Variants in TMEM223 observed in about 807,000 individuals in gnomAD.
TMEM223 encodes the protein transmembrane protein 223.
Under a neutral mutation model 14.1 loss-of-function variants are expected in TMEM223, and 14 were observed. The observed-to-expected ratio is 0.99, with a 90% confidence interval of 0.66 to 1.55. TMEM223 has a LOEUF of 1.55. TMEM223 is among the 40% of genes most tolerant of loss of function. The probability of loss-of-function intolerance (pLI) is 0.00; values close to 1 mark genes in which losing one functional copy is unlikely to be tolerated. For missense variants in TMEM223, 346 were observed against 269.9 expected, an observed-to-expected ratio of 1.28 and a Z score of -1.97; for synonymous variants, 145 against 120.5, an observed-to-expected ratio of 1.20 and a Z score of -1.33.
At chr11:62,789,197 G>C, downstream of TMEM223, 1 of 1,614,148 alleles carries the variant, frequency 6.2e-7, no homozygotes, top group South Asian at 1.1e-5. Flanking sequence ...CAGCTGCATC[G>C]AGGACTCCCA....
intron 1 of TMEM223, among the ~76,000 whole-genome samples, chr11:62,791,127 C>T (rs1233752059): frequency 1.3e-5 from 2 of 152,042 alleles, no homozygotes; most frequent in African/African-American, 2.4e-5. Context: ...CTCCCAACAA[C>T]CTTAATAGAT....
intron 1 of TMEM223, among the ~76,000 whole-genome samples, chr11:62,779,977 T>TATA (rs1491411798): frequency 2.2e-4 from 9 of 40,128 alleles, no homozygotes; most frequent in South Asian, 2.0e-3. Flanking sequence ...TATATATATA[T>TATA]TTTTTTTTTT....
intron 2 of TMEM223, among the ~76,000 whole-genome samples, chr11:62,773,660 C>A (rs1156817969): frequency 1.3e-5 from 2 of 152,050 alleles, no homozygotes; most frequent in Non-Finnish European, 2.9e-5. Context: ...GTTGGTCAGG[C>A]TGGTCTTGAA....
At chr11:62,778,451 T>C (rs1260403000) in intron 1 of TMEM223, 14 of 1,294,700 alleles carry the variant, frequency 1.1e-5, no homozygotes, top group African/African-American at 1.5e-5. Flanking sequence ...ATGCCTGCCT[T>C]GTGCCATGGT....
At chr11:62,779,207 GT>G (rs1327993752) in intron 1 of TMEM223, among the ~76,000 whole-genome samples, 1 of 151,532 alleles carries the variant, frequency 6.6e-6, no homozygotes, top group Admixed American at 6.6e-5. Flanking sequence ...GTTTTGTTTT[GT>G]TTTTGAAACG....
At chr11:62,775,781 G>T in intron 1 of TMEM223, 1 of 1,605,972 alleles carries the variant, frequency 6.2e-7, no homozygotes. Flanking sequence ...CTCCACTGGG[G>T]CCATGTCAGA....
At chr11:62,787,170 C>T (rs769605826), downstream of TMEM223, 13 of 1,583,482 alleles carry the variant, frequency 8.2e-6, no homozygotes, top group Non-Finnish European at 1.1e-5. Flanking sequence ...TCCAGACTGC[C>T]TTCCCCGCGC....
intron 1 of TMEM223, 86 bp downstream of exon 1, chr11:62,791,593 G>T: frequency 7.2e-7 from 1 of 1,388,778 alleles, no homozygotes; most frequent in Non-Finnish European, 9.5e-7. Context: ...CTCGGATAGG[G>T]AGTCCCTGAC....
At position 62,790,112 on chromosome 11, in the gene TMEM223, C is replaced by G; in HGVS notation, c.*511G>C. On this transcript the variant is annotated 3_prime_UTR_variant, in exon 2 of 2. Transcript: ENST00000307366. ...CCCAAGTGCCTGTAATCCCCCCCCTCAAGGCCCTGTTTATGTTGGGAGTCT... is the reference window on the plus strand; with the variant it reads ...CCCAAGTGCCTGTAATCCCCCCCCTGAAGGCCCTGTTTATGTTGGGAGTCT... 1 of 1,477,542 alleles carries G rather than the reference C, an allele frequency of 6.8e-7. No individual in the cohort carries two copies. Among genetic ancestry groups the G allele is most frequent in the Non-Finnish European group, 9.0e-7 (1 of 1,110,740 alleles). The allele number at this position is 1,477,542 out of a possible 1,614,324, so 91.5% of individuals were successfully genotyped here.
chr11:62,790,293 T>TGAA lies in TMEM223; in HGVS notation c.*327_*329dup, dbSNP rs1399701259. 5 of 549,848 alleles carry TGAA rather than the reference T, an allele frequency of 9.1e-6. No individual in the cohort carries two copies. The highest frequency in any genetic ancestry group is 1.6e-5 in the Non-Finnish European group (5 of 319,668). The allele number at this position is 549,848 out of a possible 1,614,324, so 34.1% of individuals were successfully genotyped here. A position where few individuals can be genotyped will look rare whatever the true frequency, so the allele number is the denominator to read the frequency against. ...AGTACAACTAGATAGGAGGAAGGAG[T>TGAA]GAAGGCTAAGCAGACATGGACTGAA... On this transcript the variant is annotated 3_prime_UTR_variant, in exon 2 of 2. Coordinates refer to ENST00000307366, the MANE Select transcript of TMEM223 (RefSeq NM_001080501.3).
chr11:62,775,558 A>G, intron 1 of TMEM223: 1 of 526,932 alleles, frequency 1.9e-6, no homozygotes, highest in East Asian at 3.2e-5. Context: ...GTGAACCCCA[A>G]CACTTTGGAC....
intron 1 of TMEM223, among the ~76,000 whole-genome samples, chr11:62,775,436 G>T (rs933138487): frequency 6.6e-6 from 1 of 152,200 alleles, no homozygotes; most frequent in East Asian, 1.9e-4. Context: ...GAGCTAGAGA[G>T]GGCAGGAATT....
downstream of TMEM223, chr11:62,787,470 CTT>C: frequency 1.3e-6 from 2 of 1,577,102 alleles, no homozygotes; most frequent in Non-Finnish European, 8.6e-7. Context: ...AGCTTGCGCT[CTT>C]TGCTGCCGCC....
At chr11:62,791,295 T>A (rs1590945756) in intron 1 of TMEM223, among the ~76,000 whole-genome samples, 1 of 152,002 alleles carries the variant, frequency 6.6e-6, no homozygotes, top group Middle Eastern at 3.4e-3. Flanking sequence ...TCTCGCTCGG[T>A]CGCTTAGGCT....
In TMEM223 at chr11:62,779,098, G is replaced by C. The variant is rs573140961; in HGVS notation, c.315-4433C>G. The C allele has an allele frequency of 4.4e-5, 29 of 665,276 alleles. No homozygotes were observed. In the African/African-American group the frequency reaches 4.5e-4, roughly 10 times the overall value. 41.2% of individuals were successfully genotyped at this position (665,276 alleles called of 1,614,324 possible). On this transcript the variant is annotated intron_variant, in intron 1 of 2. Coordinates refer to the TMEM223 transcript ENST00000528367. ...TGCAATGGCATGATCTCAGCTCACC[G>C]CACCCTCTGCCTCCCAGGTTCAAGT... is the stretch of plus-strand genomic sequence containing the variant.
chr11:62,789,092 C>T (rs768806057), downstream of TMEM223: 10 of 1,614,076 alleles, frequency 6.2e-6, no homozygotes, highest in African/African-American at 5.3e-5. Context: ...GGCCTTATCC[C>T]GTCCCTCAGC....
At chr11:62,780,068 C>T (rs1288804713) in intron 1 of TMEM223, among the ~76,000 whole-genome samples, 2 of 148,738 alleles carry the variant, frequency 1.3e-5, no homozygotes, top group East Asian at 2.0e-4. Context: ...CTTGGCCTCC[C>T]AGCACTTTGG....
chr11:62,774,891 C>CAAAAA, intron 1 of TMEM223, among the ~76,000 whole-genome samples: 1 of 84,626 alleles, frequency 1.2e-5, no homozygotes, highest in Non-Finnish European at 2.5e-5. Flanking sequence ...AACTCCGTCT[C>CAAAAA]AAAAAAAAAA....
chr11:62,781,841 C>A, intron 1 of TMEM223: 1 of 1,472,032 alleles, frequency 6.8e-7, no homozygotes, highest in Non-Finnish European at 9.5e-7. Flanking sequence ...ATACCGCATT[C>A]ATGTTTTACA....
Sources: allele counts gnomAD v4.1 joint callset (sites outside exome capture counted in the v4.1 genomes callset), GRCh38; gene constraint gnomAD v4.1.1; transcripts MANE v1.5; gene names NCBI Gene and HGNC (gene_info 2026-07-23, HGNC 2026-07-21).